Variants in CTNNA2 observed in about 807,000 individuals in gnomAD.
CTNNA2 encodes the protein catenin alpha 2.
A neutral mutation model predicts 101.0 loss-of-function variants in CTNNA2; 42 were observed. The observed-to-expected ratio is 0.42, with a 90% CI of 0.32 to 0.54. The LOEUF (loss-of-function observed/expected upper bound fraction) is 0.54, where lower values mean the gene tolerates loss of function less well. Among genes scored for constraint, CTNNA2 ranks in the 20% least tolerant of loss-of-function variants. The pLI, the probability that CTNNA2 is intolerant of heterozygous loss-of-function variation, is 0.14. For missense variants in CTNNA2, 871 were observed against 1,223.1 expected, an observed-to-expected ratio of 0.71 and a Z score of 4.29; for synonymous variants, 450 against 456.4, an observed-to-expected ratio of 0.99 and a Z score of 0.18.
chr2:79,354,505 A>G (rs947666381), intron 3 of CTNNA2, among the ~76,000 whole-genome samples: 1 of 152,140 alleles, frequency 6.6e-6, no homozygotes, highest in Non-Finnish European at 1.5e-5. Context: ...GAATTCCTGT[A>G]GTGAATTTTT....
chr2:79,666,878 G>A (rs988102079), intron 2 of CTNNA2, among the ~76,000 whole-genome samples: 5 of 152,160 alleles, frequency 3.3e-5, no homozygotes, highest in Non-Finnish European at 7.3e-5. Flanking sequence ...GTCTTCTCCT[G>A]GAGACAGAAT....
At chr2:80,005,191 T>G (rs777789032) in intron 7 of CTNNA2, among the ~76,000 whole-genome samples, 16 of 152,184 alleles carry the variant, frequency 1.1e-4, no homozygotes, top group Non-Finnish European at 2.2e-4. Context: ...CTCATCATGT[T>G]TAGGGCCCTG....
At chr2:80,520,790 G>A (rs951708774) in intron 9 of CTNNA2, among the ~76,000 whole-genome samples, 83 of 152,158 alleles carry the variant, frequency 5.5e-4, no homozygotes, top group African/African-American at 1.9e-3. Context: ...GCAAGAAGCC[G>A]GCTGCACCTG....
At chr2:79,471,663 C>G (rs1671000551) in intron 4 of CTNNA2, among the ~76,000 whole-genome samples, 1 of 151,910 alleles carries the variant, frequency 6.6e-6, no homozygotes, top group Non-Finnish European at 1.5e-5. Context: ...ACGGTGAAAC[C>G]CTGTCTCTAC....
intron 4 of CTNNA2, among the ~76,000 whole-genome samples, chr2:79,866,033 GAAGT>G (rs1435169756): frequency 2.6e-5 from 4 of 152,180 alleles, no homozygotes; most frequent in Admixed American, 6.5e-5. Flanking sequence ...TTTTTATGTT[GAAGT>G]AAGTAAGTAC....
chr2:80,025,933 A>G (rs1694898660), intron 7 of CTNNA2, among the ~76,000 whole-genome samples: 2 of 152,224 alleles, frequency 1.3e-5, no homozygotes, highest in South Asian at 4.1e-4. Context: ...TGGAGCTTAC[A>G]TGCAAGTAGG....
At chr2:79,365,917 T>G (rs1395611906) in intron 3 of CTNNA2, among the ~76,000 whole-genome samples, 2 of 152,194 alleles carry the variant, frequency 1.3e-5, no homozygotes, top group Non-Finnish European at 2.9e-5. Context: ...GCAAGTGCGA[T>G]GGATTGTAAT....
At position 80,407,078 on chromosome 2, in the gene CTNNA2, C is replaced by G. The variant is rs142884096; in HGVS notation, c.1138-12371C>G. Among the ~76,000 whole-genome samples the G allele has an allele frequency of 2.5e-3, 378 of 152,248 alleles. 3 individuals carry two copies. The highest frequency in any genetic ancestry group is 8.4e-3 in the African/African-American group (351 of 41,554). ...CCAACTAGATACAACTTCTACTCTT[C>G]CATGTAACTTTCCTCTTCCTTCCTT... On this transcript the variant is annotated intron_variant, in intron 8 of 18. Coordinates refer to ENST00000402739, the MANE Select transcript of CTNNA2 (RefSeq NM_001282597.3).
At chr2:80,627,691 T>C (rs1375708830) in intron 18 of CTNNA2, among the ~76,000 whole-genome samples, 1 of 152,200 alleles carries the variant, frequency 6.6e-6, no homozygotes, top group Admixed American at 6.5e-5. Context: ...TCCTTTGCTG[T>C]GCAGAAGTTC....
intron 7 of CTNNA2, among the ~76,000 whole-genome samples, chr2:80,310,222 C>G (rs1225769908): frequency 6.6e-6 from 1 of 152,146 alleles, no homozygotes; most frequent in Admixed American, 6.5e-5. Context: ...AAAAATAAAA[C>G]TTTCTGAATA....
chr2:80,373,618 T>C (rs1675653785), intron 7 of CTNNA2, among the ~76,000 whole-genome samples: 1 of 152,184 alleles, frequency 6.6e-6, no homozygotes, highest in Non-Finnish European at 1.5e-5. Context: ...CTTTGCTTTA[T>C]TTATTTATTT....
intron 7 of CTNNA2, among the ~76,000 whole-genome samples, chr2:80,086,058 C>G (rs1329375422): frequency 6.6e-6 from 1 of 152,028 alleles, no homozygotes; most frequent in Non-Finnish European, 1.5e-5. Context: ...TCTAAATCCT[C>G]CTCAGAGCCA....
At chr2:79,502,182 A>G (rs1404889822) in intron 4 of CTNNA2, among the ~76,000 whole-genome samples, 2 of 152,138 alleles carry the variant, frequency 1.3e-5, no homozygotes, top group East Asian at 1.9e-4. Context: ...TAAGAGTATT[A>G]TTAGTTTTAC....
intron 9 of CTNNA2, among the ~76,000 whole-genome samples, chr2:80,446,716 T>A (rs1370805201): frequency 1.3e-5 from 2 of 152,144 alleles, no homozygotes; most frequent in African/African-American, 4.8e-5. Flanking sequence ...ACAAGTTGGG[T>A]TGTGAACTTG....
intron 7 of CTNNA2, among the ~76,000 whole-genome samples, chr2:80,159,814 G>A (rs1011609290): frequency 1.3e-5 from 2 of 152,084 alleles, no homozygotes; most frequent in Non-Finnish European, 2.9e-5. Flanking sequence ...ACCTTTCACA[G>A]AGCAAAAGTT....
intron 6 of CTNNA2, among the ~76,000 whole-genome samples, chr2:79,894,290 C>G (rs917937361): frequency 6.6e-6 from 1 of 152,068 alleles, no homozygotes; most frequent in East Asian, 1.9e-4. Context: ...ATATTTTTTG[C>G]CTGGATCATT....
chr2:80,094,905 T>C (rs750119120), intron 7 of CTNNA2, among the ~76,000 whole-genome samples: 158 of 152,136 alleles, frequency 1.0e-3, no homozygotes, highest in Admixed American at 1.7e-3. Flanking sequence ...AGATTTTGGG[T>C]GAGACAATGG....
chr2:79,402,302 A>G (rs1678298176), intron 4 of CTNNA2, among the ~76,000 whole-genome samples: 1 of 151,840 alleles, frequency 6.6e-6, no homozygotes, highest in Non-Finnish European at 1.5e-5. Context: ...TAAATGAACT[A>G]TTAATATAAA....
intron 2 of CTNNA2, among the ~76,000 whole-genome samples, chr2:79,286,173 G>A (rs1319541144): frequency 1.2e-4 from 19 of 152,030 alleles, no homozygotes; most frequent in East Asian, 9.7e-4. Context: ...GGGTTTCCTG[G>A]ATACAGCACA....
Sources: gnomAD v4.1 joint callset for allele counts (sites outside exome capture counted in the v4.1 genomes callset) on GRCh38, gnomAD v4.1.1 for gene constraint, MANE v1.5 for transcripts, NCBI Gene and HGNC (gene_info 2026-07-23, HGNC 2026-07-21) for gene names.